Variants in IMMP2L observed in about 807,000 individuals in gnomAD.
The protein encoded by IMMP2L is mitochondrial inner membrane protease subunit 2.
Under a neutral mutation model 19.3 loss-of-function variants are expected in IMMP2L, and 18 were observed. The ratio of observed to expected loss-of-function variants is 0.93; its 90% confidence interval spans 0.64 to 1.38. IMMP2L has a LOEUF of 1.38. IMMP2L is among the 40% of genes most tolerant of loss of function. The pLI, the probability that IMMP2L is intolerant of heterozygous loss-of-function variation, is 0.00. For synonymous variants in IMMP2L, 76 were observed against 73.0 expected, an observed-to-expected ratio of 1.04 and a Z score of -0.21; for missense variants, 233 against 218.2, an observed-to-expected ratio of 1.07 and a Z score of -0.43.
chr7:110,839,588 T>C (rs985966747), intron 5 of IMMP2L, among the ~76,000 whole-genome samples: 1 of 152,046 alleles, frequency 6.6e-6, no homozygotes, highest in Non-Finnish European at 1.5e-5. Context: ...GACAGTGCAA[T>C]GAAGTTTATT....
intron 3 of IMMP2L, among the ~76,000 whole-genome samples, chr7:111,127,522 A>C (rs1032913034): frequency 6.6e-6 from 1 of 152,176 alleles, no homozygotes; most frequent in Non-Finnish European, 1.5e-5. Context: ...CTCAAGGCAA[A>C]TCATGAACCT....
chr7:111,056,782 A>T (rs1793549986), intron 3 of IMMP2L, among the ~76,000 whole-genome samples: 1 of 152,226 alleles, frequency 6.6e-6, no homozygotes, highest in Non-Finnish European at 1.5e-5. Flanking sequence ...TATATTTACT[A>T]TCCATTAAGT....
chr7:111,396,220 G>A (rs1832850187), intron 3 of IMMP2L, among the ~76,000 whole-genome samples: 1 of 152,140 alleles, frequency 6.6e-6, no homozygotes, highest in Non-Finnish European at 1.5e-5. Flanking sequence ...TATGTTTACT[G>A]CAGCACTATT....
At chr7:110,946,832 T>C (rs1311582794) in intron 4 of IMMP2L, among the ~76,000 whole-genome samples, 1 of 150,050 alleles carries the variant, frequency 6.7e-6, no homozygotes, top group East Asian at 2.0e-4. Context: ...ACCATTCTCC[T>C]GCCTCAGCCT....
chr7:111,249,363 C>G (rs867530918), intron 3 of IMMP2L, among the ~76,000 whole-genome samples: 5 of 142,930 alleles, frequency 3.5e-5, no homozygotes, highest in African/African-American at 1.3e-4. Context: ...GAGGCAATGC[C>G]TCGCCCTGCT....
At chr7:110,771,411 A>G (rs1799023973) in intron 5 of IMMP2L, among the ~76,000 whole-genome samples, 1 of 152,128 alleles carries the variant, frequency 6.6e-6, no homozygotes, top group African/African-American at 2.4e-5. Context: ...TGAACAAATG[A>G]AAAGGACCTT....
At chr7:110,996,127 G>T (rs1369602715) in intron 3 of IMMP2L, among the ~76,000 whole-genome samples, 2 of 152,092 alleles carry the variant, frequency 1.3e-5, no homozygotes, top group Non-Finnish European at 2.9e-5. Flanking sequence ...AGACAAGTAT[G>T]CAATTGCACC....
chr7:110,845,877 C>T (rs1223548341), intron 5 of IMMP2L, among the ~76,000 whole-genome samples: 2 of 152,124 alleles, frequency 1.3e-5, no homozygotes, highest in Non-Finnish European at 2.9e-5. Flanking sequence ...TAGAGAATTT[C>T]CTTGCCCTTT....
chr7:110,883,124 A>AT (rs909338111), intron 5 of IMMP2L, among the ~76,000 whole-genome samples: 1 of 152,202 alleles, frequency 6.6e-6, no homozygotes, highest in Non-Finnish European at 1.5e-5. Flanking sequence ...ATTCTATGGA[A>AT]TTTTAATATT....
At chr7:110,964,450 T>C (rs1381824243) in intron 3 of IMMP2L, among the ~76,000 whole-genome samples, 3 of 152,066 alleles carry the variant, frequency 2.0e-5, no homozygotes, top group African/African-American at 4.8e-5. Context: ...GTTTAGCCAT[T>C]TGATGATTAT....
At chr7:110,857,465 A>G (rs986092074) in intron 5 of IMMP2L, among the ~76,000 whole-genome samples, 29 of 152,104 alleles carry the variant, frequency 1.9e-4, no homozygotes, top group African/African-American at 7.0e-4. Flanking sequence ...GACTAACATA[A>G]AAGACATATG....
intron 2 of IMMP2L, among the ~76,000 whole-genome samples, chr7:111,514,660 T>G (rs1845729177): frequency 6.6e-6 from 1 of 152,102 alleles, no homozygotes; most frequent in African/African-American, 2.4e-5. Flanking sequence ...AAATGTGTTT[T>G]AAAAAGTAGA....
At position 111,290,439 on chromosome 7, in the gene IMMP2L, T is replaced by G. The variant is rs115889422; in HGVS notation, c.239+196799A>C. 4.5e-3 allele frequency among the ~76,000 whole-genome samples: 679 copies of G among 152,308 alleles called. 10 individuals are homozygous for G. Among genetic ancestry groups the G allele is most frequent in the African/African-American group, 0.016 (656 of 41,574 alleles). On this transcript the variant is annotated intron_variant, in intron 3 of 5. Coordinates refer to ENST00000405709, the MANE Select transcript of IMMP2L (RefSeq NM_032549.4). ...TATTTGTATATTCGTTGGAATGTTT[T>G]AAATGCCTTCAGATGTAATTTTAAA...
intron 3 of IMMP2L, among the ~76,000 whole-genome samples, chr7:111,062,314 G>A (rs910509310): frequency 6.6e-6 from 1 of 152,094 alleles, no homozygotes; most frequent in Non-Finnish European, 1.5e-5. Flanking sequence ...CAGATTTCAT[G>A]AGTCTCATTC....
At chr7:110,936,777 C>G (rs1351490616) in intron 4 of IMMP2L, among the ~76,000 whole-genome samples, 1 of 152,016 alleles carries the variant, frequency 6.6e-6, no homozygotes, top group Non-Finnish European at 1.5e-5. Flanking sequence ...ACTGTTAAAA[C>G]AGCAAAGGCT....
At chr7:110,714,521 A>G (rs959697999) in intron 5 of IMMP2L, among the ~76,000 whole-genome samples, 1 of 152,088 alleles carries the variant, frequency 6.6e-6, no homozygotes. Flanking sequence ...TTTCAGTACA[A>G]TTGGTACCAG....
intron 4 of IMMP2L, among the ~76,000 whole-genome samples, chr7:110,918,371 C>T (rs904687173): frequency 1.3e-5 from 2 of 151,760 alleles, no homozygotes; most frequent in African/African-American, 4.8e-5. Flanking sequence ...AAAACTTTAG[C>T]GTCTTTCACC....
intron 1 of IMMP2L, among the ~76,000 whole-genome samples, chr7:111,525,620 G>A (rs886169172): frequency 3.3e-5 from 5 of 152,014 alleles, no homozygotes; most frequent in African/African-American, 4.8e-5. Context: ...ATATATTTTG[G>A]AAGTTAAACT....
At chr7:110,756,702 GTTAAT>G (rs1201508574) in intron 5 of IMMP2L, among the ~76,000 whole-genome samples, 1 of 152,102 alleles carries the variant, frequency 6.6e-6, no homozygotes, top group Admixed American at 6.6e-5. Flanking sequence ...CATGCCAACT[GTTAAT>G]TTAAGTTACA....
Sources: gnomAD v4.1 joint callset for allele counts (sites outside exome capture counted in the v4.1 genomes callset) on GRCh38, gnomAD v4.1.1 for gene constraint, MANE v1.5 for transcripts, NCBI Gene and HGNC (gene_info 2026-07-23, HGNC 2026-07-21) for gene names.